The following CHRM2 variants were observed in gnomAD, a reference collection of about 807,000 sequenced individuals.
CHRM2 encodes cholinergic receptor muscarinic 2, also known as muscarinic acetylcholine receptor M2.
Under a neutral mutation model 25.0 loss-of-function variants are expected in CHRM2, and 8 were observed. That is an observed-to-expected ratio of 0.32 (90% CI 0.19 to 0.58). The LOEUF (loss-of-function observed/expected upper bound fraction) is 0.58, where lower values mean the gene tolerates loss of function less well. Among genes scored for constraint, CHRM2 ranks in the 20% least tolerant of loss-of-function variants. The probability of loss-of-function intolerance (pLI) is 0.88; values close to 1 mark genes in which losing one functional copy is unlikely to be tolerated. For synonymous variants in CHRM2, 202 were observed against 205.7 expected, an observed-to-expected ratio of 0.98 and a Z score of 0.15; for missense variants, 440 against 567.1, an observed-to-expected ratio of 0.78 and a Z score of 2.28.
At chr7:136,906,537 C>G (rs180806448) in intron 2 of CHRM2, among the ~76,000 whole-genome samples, 59 of 151,554 alleles carry the variant, frequency 3.9e-4, no homozygotes, top group African/African-American at 1.4e-3. Context: ...AGAATTATTA[C>G]TTTGCTAACT....
chr7:136,906,606 C>A (rs1376925317), intron 2 of CHRM2, among the ~76,000 whole-genome samples: 1 of 151,316 alleles, frequency 6.6e-6, no homozygotes, highest in Non-Finnish European at 1.5e-5. Flanking sequence ...AATTTTTTTT[C>A]TAATTCAGTT....
intron 3 of CHRM2, among the ~76,000 whole-genome samples, chr7:137,003,952 C>A (rs1255209565): frequency 2.0e-5 from 3 of 152,110 alleles, no homozygotes; most frequent in Non-Finnish European, 4.4e-5. Flanking sequence ...GCCTTTGCTT[C>A]CCCTTCTGCC....
At chr7:137,012,925 A>T (rs1804918344) in intron 3 of CHRM2, among the ~76,000 whole-genome samples, 1 of 151,964 alleles carries the variant, frequency 6.6e-6, no homozygotes, top group Admixed American at 6.6e-5. Flanking sequence ...AGTATTCAAC[A>T]CTACCATTAA....
intron 2 of CHRM2, among the ~76,000 whole-genome samples, chr7:136,895,679 T>C (rs1167475908): frequency 6.6e-6 from 1 of 152,248 alleles, no homozygotes; most frequent in Non-Finnish European, 1.5e-5. Flanking sequence ...TTAAACTTTC[T>C]TGCTACTAAA....
chr7:137,003,106 A>G (rs541397046), intron 3 of CHRM2, among the ~76,000 whole-genome samples: 2 of 152,242 alleles, frequency 1.3e-5, no homozygotes, highest in East Asian at 3.9e-4. Context: ...GATGCATCAC[A>G]GTTAACTGGG....
chr7:136,904,197 A>G (rs1797403130), intron 2 of CHRM2, among the ~76,000 whole-genome samples: 1 of 151,884 alleles, frequency 6.6e-6, no homozygotes, highest in Non-Finnish European at 1.5e-5. Flanking sequence ...CTTCATCCTT[A>G]TACTGTTGAA....
At chr7:136,945,484 G>A (rs1800021283) in intron 2 of CHRM2, among the ~76,000 whole-genome samples, 1 of 151,934 alleles carries the variant, frequency 6.6e-6, no homozygotes, top group Admixed American at 6.6e-5. Context: ...TATTGAATAG[G>A]GCGTCCTTTC....
chr7:136,869,500 C>G lies in CHRM2; in HGVS notation c.-125+82C>G, dbSNP rs947368086. 7 of 152,436 alleles carry G rather than the reference C, an allele frequency of 4.6e-5. No homozygotes were observed. Among genetic ancestry groups the G allele is most frequent in the South Asian group, 2.1e-4 (1 of 4,832 alleles). The allele number at this position is 152,436 out of a possible 1,614,324, so 9.4% of individuals were successfully genotyped here. ...AGGGGGTCTCTCCCTTCATATCCCC[C>G]CAAGCCGGAGGCTCAGGGGTCGGGG... On this transcript the variant is annotated intron_variant, in intron 2 of 3. Coordinates refer to ENST00000680005, the MANE Select transcript of CHRM2 (RefSeq NM_001006630.2). The surrounding 1 kb of genome is among the most constrained non-coding windows in gnomAD (Gnocchi z 4.9).
intron 3 of CHRM2, among the ~76,000 whole-genome samples, chr7:136,999,737 A>G (rs1402299637): frequency 2.0e-5 from 3 of 152,162 alleles, no homozygotes; most frequent in Non-Finnish European, 4.4e-5. Context: ...AGGATAAGTA[A>G]ATAGTACAGA....
intron 2 of CHRM2, chr7:136,903,054 A>C (rs1236868230): frequency 9.7e-6 from 5 of 513,704 alleles, no homozygotes; most frequent in Non-Finnish European, 1.6e-5. Flanking sequence ...TGGGAAATGA[A>C]TGAATGAAAT....
intron 3 of CHRM2, among the ~76,000 whole-genome samples, chr7:136,995,351 G>T (rs185813493): frequency 1.3e-5 from 2 of 152,000 alleles, no homozygotes; most frequent in African/African-American, 4.8e-5. Context: ...TTTGTATACC[G>T]AAAAATTACA....
At chr7:136,873,998 T>C (rs1296935049) in intron 2 of CHRM2, among the ~76,000 whole-genome samples, 1 of 152,200 alleles carries the variant, frequency 6.6e-6, no homozygotes, top group Non-Finnish European at 1.5e-5. Context: ...TGCATAGTAA[T>C]AAAAGATAAT....
In CHRM2 at chr7:137,016,916, T is replaced by TA. The variant is rs1238993096; in HGVS notation, c.*651dup. 6.0e-6 allele frequency: 1 copy of TA among 167,074 alleles called. No individual in the cohort carries two copies. The highest frequency in any genetic ancestry group is 1.5e-5 in the Non-Finnish European group (1 of 68,346). 10.3% of individuals were successfully genotyped at this position (167,074 alleles called of 1,614,324 possible). A position where few individuals can be genotyped will look rare whatever the true frequency, so the allele number is the denominator to read the frequency against. On this transcript the variant is annotated 3_prime_UTR_variant, in exon 4 of 4. Transcript: ENST00000680005. ...TAGGTCACACCATTTTTCTTCTTGT[T>TA]ATGCCACTATTTTGTACATCCCTGT...
intron 2 of CHRM2, among the ~76,000 whole-genome samples, chr7:136,929,294 G>A (rs945018444): frequency 4.0e-5 from 6 of 150,230 alleles, no homozygotes; most frequent in African/African-American, 1.5e-4. Context: ...AATGAACAGA[G>A]CAAAGAAAGT....
chr7:137,015,614 G>A lies in CHRM2; in HGVS notation c.749G>A (p.Ser250Asn), dbSNP rs2131133532. ...AAGCCAAACAATAACAACATGCCCA[G>A]CAGTGACGATGGCCTGGAGCACAAC... is the stretch of plus-strand genomic sequence containing the variant. ...IVKPNNNNMP[S>N]SDDGLEHNKI... The change falls in exon 4 of 4, where the codon AGC (serine) becomes AAC (asparagine). Residue 250 changes from serine to asparagine, a missense_variant. Ser to Asn is a conservative substitution (Grantham distance 46). Around this residue, in one of 5 missense-constraint regions of CHRM2, gnomAD observed 261 missense variants for 261.8 expected, o/e 1.00. Transcript: ENST00000680005. This position sits in a 1 kb window ranked among gnomAD's most constrained non-coding sequence, Gnocchi z 5.1. 1 of 1,612,998 alleles carries A rather than the reference G, an allele frequency of 6.2e-7. No individual in the cohort carries two copies. Among genetic ancestry groups the A allele is most frequent in the Non-Finnish European group, 8.5e-7 (1 of 1,179,548 alleles).
intron 2 of CHRM2, among the ~76,000 whole-genome samples, chr7:136,949,354 C>T (rs1416084060): frequency 6.6e-6 from 1 of 151,610 alleles, no homozygotes; most frequent in South Asian, 2.1e-4. Flanking sequence ...CTATGATTCA[C>T]ACCTGTAATC....
At chr7:137,003,485 CACACACACACACACACACACACA>C (rs1804198908) in intron 3 of CHRM2, among the ~76,000 whole-genome samples, 1 of 984 alleles carries the variant, frequency 1.0e-3, no homozygotes, top group Non-Finnish European at 2.2e-3. Context: ...CACACACACA[CACACACACACACACACACACACA>C]CACACACACA....
intron 3 of CHRM2, among the ~76,000 whole-genome samples, chr7:137,008,244 C>A (rs560966729): frequency 6.6e-6 from 1 of 152,106 alleles, no homozygotes; most frequent in South Asian, 2.1e-4. Context: ...TACTACCAAC[C>A]GCTGGCTCTT....
At chr7:136,890,881 A>G (rs760694342) in intron 2 of CHRM2, among the ~76,000 whole-genome samples, 6 of 151,932 alleles carry the variant, frequency 3.9e-5, no homozygotes, top group South Asian at 4.2e-4. Flanking sequence ...ATATATGTGT[A>G]TGTGTGTGTA....
Sources: gnomAD v4.1 joint callset for allele counts (sites outside exome capture counted in the v4.1 genomes callset) on GRCh38, gnomAD v4.1.1 for gene constraint, gnomAD v4.1.1 regional missense constraint, Gnocchi (gnomAD v3.1) non-coding constraint, MANE v1.5 for transcripts, NCBI Gene and HGNC (gene_info 2026-07-23, HGNC 2026-07-21) for gene names.